SLC25A48: variants seen among roughly 807,000 people sequenced by gnomAD.
SLC25A48 encodes solute carrier family 25 member 48, also known as CTC-321K16.1.
Under a neutral mutation model 32.2 loss-of-function variants are expected in SLC25A48, and 29 were observed. The observed-to-expected ratio is 0.90, with a 90% confidence interval of 0.67 to 1.23. The LOEUF (loss-of-function observed/expected upper bound fraction) is 1.23. Among genes scored for constraint, SLC25A48 ranks in the 50% most tolerant of loss-of-function variants. The probability of loss-of-function intolerance (pLI) is 0.00; values close to 1 mark genes in which losing one functional copy is unlikely to be tolerated. For missense variants in SLC25A48, 399 were observed against 422.7 expected (o/e 0.94, Z 0.49); for synonymous variants, 164 against 172.3 (o/e 0.95, Z 0.38).
intron 3 of SLC25A48, among the ~76,000 whole-genome samples, chr5:135,800,212 G>C (rs1319154916): frequency 6.6e-6 from 1 of 151,678 alleles, no homozygotes; most frequent in Non-Finnish European, 1.5e-5. Flanking sequence ...ATATCACTGG[G>C]AGAGTACACC....
chr5:135,601,051 T>C (rs1015794747), intron 1 of SLC25A48: 3 of 152,078 alleles, frequency 2.0e-5, no homozygotes, highest in Admixed American at 6.6e-5. Flanking sequence ...CTTCCCCAGC[T>C]TCACAGAGTT....
At chr5:135,694,881 C>G (rs184510575) in intron 3 of SLC25A48, among the ~76,000 whole-genome samples, 127 of 152,288 alleles carry the variant, frequency 8.3e-4, no homozygotes, top group African/African-American at 3.0e-3. Context: ...GCCACCGTGC[C>G]CAGCCCAGAT....
At chr5:135,746,887 T>C (rs932909004) in intron 3 of SLC25A48, among the ~76,000 whole-genome samples, 3 of 152,174 alleles carry the variant, frequency 2.0e-5, no homozygotes, top group African/African-American at 7.2e-5. Context: ...ACATTGATAA[T>C]TTTGACAGCT....
chr5:135,617,762 T>G (rs1278621111), intron 1 of SLC25A48, among the ~76,000 whole-genome samples: 2 of 152,032 alleles, frequency 1.3e-5, no homozygotes, highest in Non-Finnish European at 2.9e-5. Flanking sequence ...TTGTACAGTT[T>G]CCAAAGTTCC....
At chr5:135,653,127 C>G (rs1652910447) in intron 3 of SLC25A48, among the ~76,000 whole-genome samples, 1 of 152,202 alleles carries the variant, frequency 6.6e-6, no homozygotes, top group Non-Finnish European at 1.5e-5. Context: ...GCACCCTGAT[C>G]TTGGACTTTC....
chr5:135,730,721 G>C (rs759882346), intron 3 of SLC25A48, among the ~76,000 whole-genome samples: 4 of 152,242 alleles, frequency 2.6e-5, no homozygotes, highest in Non-Finnish European at 5.9e-5. Context: ...ACTTCCTAGA[G>C]ACTTGTTGAA....
chr5:135,852,300 C>T (rs887797602), intron 3 of SLC25A48, among the ~76,000 whole-genome samples: 1 of 152,172 alleles, frequency 6.6e-6, no homozygotes, highest in African/African-American at 2.4e-5. Context: ...CCCCTCCCGG[C>T]GCATGCATGG....
chr5:135,672,510 G>A (rs527316786), intron 3 of SLC25A48, among the ~76,000 whole-genome samples: 9 of 152,246 alleles, frequency 5.9e-5, no homozygotes, highest in Non-Finnish European at 1.0e-4. Flanking sequence ...CCATGGTCTC[G>A]TCTCAGGTGT....
chr5:135,870,282 G>C (rs971376871), intron 4 of SLC25A48, among the ~76,000 whole-genome samples: 1 of 152,148 alleles, frequency 6.6e-6, no homozygotes, highest in Non-Finnish European at 1.5e-5. Context: ...GTTATTTCCT[G>C]GAGAAGGGAA....
At chr5:135,864,192 A>G (rs1262324522) in intron 4 of SLC25A48, among the ~76,000 whole-genome samples, 3 of 152,178 alleles carry the variant, frequency 2.0e-5, no homozygotes, top group Non-Finnish European at 2.9e-5. Context: ...GTGACAAAAT[A>G]AGGCAAAAAC....
intron 3 of SLC25A48, among the ~76,000 whole-genome samples, chr5:135,700,707 GGCACCCT>G (rs1224227452): frequency 6.6e-6 from 1 of 152,170 alleles, no homozygotes; most frequent in East Asian, 1.9e-4. Flanking sequence ...TCTCTTCATA[GGCACCCT>G]GTCTGAGGGA....
Position 135,787,600 on chromosome 5 carries a change from G to C in SLC25A48, c.-520-24923G>C, listed in dbSNP as rs368145614. ...GTAATATTAATTGTAATTTTCTAGG[G>C]GGATGTTACTTTTAATTTCACAGGG... is the stretch of plus-strand genomic sequence containing the variant. On this transcript the variant is annotated intron_variant, in intron 3 of 10. Transcript: ENST00000646290. Among the ~76,000 whole-genome samples the C allele has an allele frequency of 2.0e-3, 298 of 151,908 alleles. 4 individuals carry two copies. The highest frequency in any genetic ancestry group is 0.018 in the South Asian group (87 of 4,814).
chr5:135,666,957 A>G (rs4976311), intron 3 of SLC25A48, among the ~76,000 whole-genome samples: 103,670 of 151,990 alleles, frequency 0.68, 35,851 homozygotes, highest in Middle Eastern at 0.78. Context: ...TATTGGTCCA[A>G]TGAGGAGATT....
intron 3 of SLC25A48, among the ~76,000 whole-genome samples, chr5:135,726,110 G>A (rs1417927581): frequency 6.6e-6 from 1 of 152,230 alleles, no homozygotes; most frequent in Non-Finnish European, 1.5e-5. Flanking sequence ...TATAGCCAGA[G>A]TCTGGCCCTA....
intron 1 of SLC25A48, among the ~76,000 whole-genome samples, chr5:135,598,780 C>T (rs910979068): frequency 2.4e-5 from 3 of 124,186 alleles, no homozygotes; most frequent in African/African-American, 1.1e-4. Context: ...CATTTAAATG[C>T]ATTAAAATTA....
intron 3 of SLC25A48, among the ~76,000 whole-genome samples, chr5:135,685,488 A>C (rs765918279): frequency 6.9e-6 from 1 of 145,644 alleles, no homozygotes. Context: ...GCTGTAGTGC[A>C]ATGGTGCAAT....
chr5:135,870,226 C>T lies in SLC25A48; in HGVS notation c.422-1235C>T, dbSNP rs181976867. Among the ~76,000 whole-genome samples, 41 of 152,258 alleles carry T rather than the reference C, an allele frequency of 2.7e-4. No individual in the cohort carries two copies. The East Asian group carries it at 7.5e-3, about 28-fold the overall frequency. Reference sequence around the variant, plus strand: ...TCAGGTGGCAAAATAGGCTTGTGGTCGCAGACACACTTTATTCTATTTCTT... The same window carrying T: ...TCAGGTGGCAAAATAGGCTTGTGGTTGCAGACACACTTTATTCTATTTCTT... On this transcript the variant is annotated intron_variant, in intron 4 of 7. Transcript: ENST00000681962.
intron 3 of SLC25A48, among the ~76,000 whole-genome samples, chr5:135,704,376 A>G (rs1754462533): frequency 6.6e-6 from 1 of 152,230 alleles, no homozygotes; most frequent in African/African-American, 2.4e-5. Context: ...CTTATGCATC[A>G]GCAGCATAGA....
chr5:135,836,445 A>G (rs984052179), intron 1 of SLC25A48, among the ~76,000 whole-genome samples: 1 of 151,754 alleles, frequency 6.6e-6, no homozygotes, highest in African/African-American at 2.4e-5. Context: ...TTTAAGTGCT[A>G]TATGTATTCT....
Sources: gnomAD v4.1 joint callset for allele counts (sites outside exome capture counted in the v4.1 genomes callset) on GRCh38, gnomAD v4.1.1 for gene constraint, MANE v1.5 for transcripts, NCBI Gene and HGNC (gene_info 2026-07-23, HGNC 2026-07-21) for gene names.